SV2C: variants seen among roughly 807,000 people sequenced by gnomAD.
SV2C encodes synaptic vesicle glycoprotein 2C.
Under a neutral mutation model 79.7 loss-of-function variants are expected in SV2C, and 49 were observed. The observed-to-expected ratio is 0.61, with a 90% CI of 0.49 to 0.78. SV2C has a LOEUF of 0.78. SV2C is among the 30% of genes least tolerant of loss of function. SV2C has a pLI of 0.00. For synonymous variants in SV2C, 334 were observed against 333.2 expected (o/e 1.00, Z -0.03); for missense variants, 833 against 912.9 (o/e 0.91, Z 1.13).
At chr5:76,242,795 G>T (rs1351605327) in intron 4 of SV2C, among the ~76,000 whole-genome samples, 1 of 151,900 alleles carries the variant, frequency 6.6e-6, no homozygotes, top group Non-Finnish European at 1.5e-5. Context: ...CACTTTAGGA[G>T]CCTGAGGTGG....
At chr5:75,971,054 A>G in the SV2C span, among the ~76,000 whole-genome samples, 2 of 152,130 alleles carry the variant, frequency 1.3e-5, no homozygotes, top group African/African-American at 4.8e-5. Flanking sequence ...CAGAATATAA[A>G]CAGAACCAAA....
chr5:75,892,255 AT>A, the SV2C span, among the ~76,000 whole-genome samples: 36 of 151,256 alleles, frequency 2.4e-4, no homozygotes, highest in Admixed American at 1.4e-3. Flanking sequence ...TTTTTAATAA[AT>A]TTTTTTTTAA....
chr5:76,021,149 A>T, the SV2C span, among the ~76,000 whole-genome samples: 2,850 of 152,322 alleles, frequency 0.019, 97 homozygotes, highest in African/African-American at 0.064. Context: ...GAGATAAGGC[A>T]GCAGTGCTCT....
chr5:75,863,065 T>C, the SV2C span, among the ~76,000 whole-genome samples: 1 of 152,188 alleles, frequency 6.6e-6, no homozygotes, highest in African/African-American at 2.4e-5. Flanking sequence ...CTCAAATGTT[T>C]ACAGCCAGAA....
intron 4 of SV2C, among the ~76,000 whole-genome samples, chr5:76,271,438 A>G (rs112086337): frequency 6.6e-5 from 10 of 152,326 alleles, no homozygotes; most frequent in African/African-American, 2.4e-4. Context: ...GAGTGTATAG[A>G]TGATTTGAAC....
At position 76,330,021 on chromosome 5, in the gene SV2C, T is replaced by C. The variant is rs1189956406; in HGVS notation, c.*4474T>C. 6.6e-6 allele frequency: 1 copy of C among 151,426 alleles called. No homozygotes were observed. Among genetic ancestry groups the C allele is most frequent in the Non-Finnish European group, 1.5e-5 (1 of 67,960 alleles). 9.4% of individuals were successfully genotyped at this position (151,426 alleles called of 1,614,324 possible). A position where few individuals can be genotyped will look rare whatever the true frequency, so the allele number is the denominator to read the frequency against. On this transcript the variant is annotated 3_prime_UTR_variant, in exon 13 of 13. Coordinates refer to ENST00000502798, the MANE Select transcript of SV2C (RefSeq NM_014979.4). ...CAGTTTTTGTTTATGCTCAGCAAAG[T>C]ATGTATTTTAAGTAAAGCTTCTCTT...
At chr5:75,981,522 T>A in the SV2C span, among the ~76,000 whole-genome samples, 7 of 152,018 alleles carry the variant, frequency 4.6e-5, no homozygotes, top group Non-Finnish European at 8.8e-5. Context: ...AACAGGTACA[T>A]AGACCAATGG....
At chr5:76,019,766 C>A in the SV2C span, among the ~76,000 whole-genome samples, 2 of 152,126 alleles carry the variant, frequency 1.3e-5, no homozygotes, top group East Asian at 1.9e-4. Context: ...GGAAAACTAA[C>A]AAAATATTGG....
the SV2C span, among the ~76,000 whole-genome samples, chr5:76,032,881 T>G: frequency 6.6e-6 from 1 of 152,244 alleles, no homozygotes; most frequent in Non-Finnish European, 1.5e-5. Flanking sequence ...AAAGTGTTCC[T>G]ATTTCTTCAT....
rs1400151010 is a variant in SV2C, at chr5:76,332,604, A to G, written c.*7057A>G. ...TGTATGCCTATTATGTCTGTATGGT[A>G]GAAATACTGTATACAGGTATACTAC... is the stretch of plus-strand genomic sequence containing the variant. On this transcript the variant is annotated 3_prime_UTR_variant, in exon 13 of 13. Coordinates refer to ENST00000502798, the MANE Select transcript of SV2C (RefSeq NM_014979.4). 4 of 152,196 alleles carry G rather than the reference A, an allele frequency of 2.6e-5. No homozygotes were observed. The highest frequency in any genetic ancestry group is 4.4e-5 in the Non-Finnish European group (3 of 68,026). 9.4% of individuals were successfully genotyped at this position (152,196 alleles called of 1,614,324 possible).
At chr5:76,127,251 G>A (rs961624131) in intron 1 of SV2C, among the ~76,000 whole-genome samples, 2 of 152,146 alleles carry the variant, frequency 1.3e-5, no homozygotes, top group Non-Finnish European at 2.9e-5. Flanking sequence ...TGTAGGGTGG[G>A]AGCTTGTGTA....
At chr5:76,048,109 A>G in the SV2C span, among the ~76,000 whole-genome samples, 1 of 152,192 alleles carries the variant, frequency 6.6e-6, no homozygotes, top group South Asian at 2.1e-4. Flanking sequence ...CACAATAAAT[A>G]CATACAATTT....
chr5:76,258,295 A>G (rs1746356840), intron 4 of SV2C, among the ~76,000 whole-genome samples: 1 of 152,070 alleles, frequency 6.6e-6, no homozygotes, highest in Non-Finnish European at 1.5e-5. Flanking sequence ...TCTACTACAG[A>G]CAATTCTAGA....
the SV2C span, among the ~76,000 whole-genome samples, chr5:75,960,324 A>G: frequency 1.3e-5 from 2 of 151,996 alleles, no homozygotes; most frequent in African/African-American, 4.8e-5. Flanking sequence ...ACAGTCATGC[A>G]CCACATAATG....
chr5:76,300,964 G>T (rs1747975151), intron 11 of SV2C, 32 bp downstream of exon 11: 1 of 1,610,606 alleles, frequency 6.2e-7, no homozygotes, highest in South Asian at 1.1e-5. Flanking sequence ...AAATAAAAGA[G>T]CTGCCCCTGC....
At chr5:76,303,197 A>C (rs1285308489) in intron 12 of SV2C, among the ~76,000 whole-genome samples, 1 of 152,194 alleles carries the variant, frequency 6.6e-6, no homozygotes, top group Non-Finnish European at 1.5e-5. Context: ...CTCTGAAAGG[A>C]ACCATACAAT....
intron 4 of SV2C, among the ~76,000 whole-genome samples, chr5:76,282,450 G>A (rs958174536): frequency 1.3e-5 from 2 of 152,202 alleles, no homozygotes; most frequent in African/African-American, 2.4e-5. Context: ...GTAACAAATT[G>A]TTTGGCATGA....
the SV2C span, among the ~76,000 whole-genome samples, chr5:76,060,406 G>A: frequency 5.9e-5 from 9 of 152,112 alleles, no homozygotes; most frequent in Non-Finnish European, 1.3e-4. Flanking sequence ...TGGATAACTT[G>A]CTGCAGCTTC....
At chr5:75,878,682 T>C in the SV2C span, among the ~76,000 whole-genome samples, 1 of 152,116 alleles carries the variant, frequency 6.6e-6, no homozygotes, top group Non-Finnish European at 1.5e-5. Context: ...AAGATAATCA[T>C]TGAGGAGCTA....
Sources: allele counts gnomAD v4.1 joint callset (sites outside exome capture counted in the v4.1 genomes callset), GRCh38; gene constraint gnomAD v4.1.1; transcripts MANE v1.5; gene names NCBI Gene and HGNC (gene_info 2026-07-23, HGNC 2026-07-21).